PCDH9: variants seen among roughly 807,000 people sequenced by gnomAD.
The protein encoded by PCDH9 is protocadherin 9.
PCDH9 carries 24 observed loss-of-function variants against 70.6 expected under a neutral mutation model. The observed-to-expected ratio is 0.34, with a 90% CI of 0.25 to 0.48. The LOEUF (loss-of-function observed/expected upper bound fraction) is 0.48. PCDH9 is among the 20% of genes least tolerant of loss of function. The pLI is 0.99. For synonymous variants in PCDH9, 562 were observed against 558.5 expected (o/e 1.01, Z -0.09); for missense variants, 1,281 against 1,503.6 (o/e 0.85, Z 2.45).
chr13:66,531,095 T>TA (rs201531717), intron 4 of PCDH9, among the ~76,000 whole-genome samples: 35,351 of 127,716 alleles, frequency 0.28, 4,574 homozygotes, highest in East Asian at 0.43. Context: ...GTGTTGGAGG[T>TA]AAAAAAAAAA....
chr13:67,097,018 TGGGTGGATCACTTGAGCCCAGGA>T (rs1292062657), intron 2 of PCDH9, among the ~76,000 whole-genome samples: 2 of 151,144 alleles, frequency 1.3e-5, no homozygotes, highest in Non-Finnish European at 2.9e-5. Context: ...GAGGCCAAGG[TGGGTGGATCACTTGAGCCCAGGA>T]GTTTGAGACC....
intron 3 of PCDH9, among the ~76,000 whole-genome samples, chr13:66,841,317 T>C (rs1285419551): frequency 6.6e-6 from 1 of 152,218 alleles, no homozygotes; most frequent in Non-Finnish European, 1.5e-5. Flanking sequence ...ATCGTTCTAC[T>C]ACTATGTGTA....
chr13:66,686,979 C>T (rs1433095225), intron 3 of PCDH9, among the ~76,000 whole-genome samples: 3 of 152,270 alleles, frequency 2.0e-5, no homozygotes, highest in South Asian at 2.1e-4. Flanking sequence ...AAAGCCCTGG[C>T]TTCTAATTGT....
At chr13:67,080,901 C>T (rs1303980381) in intron 2 of PCDH9, among the ~76,000 whole-genome samples, 3 of 152,076 alleles carry the variant, frequency 2.0e-5, no homozygotes, top group African/African-American at 7.2e-5. Context: ...AAAAAACACA[C>T]TCATGAAATT....
chr13:67,120,483 G>A (rs964263633), intron 2 of PCDH9, among the ~76,000 whole-genome samples: 11 of 151,934 alleles, frequency 7.2e-5, no homozygotes, highest in Non-Finnish European at 1.0e-4. Flanking sequence ...CCCAGCCCTT[G>A]CTCCTTTGCT....
At chr13:66,581,931 G>A (rs935052863) in intron 4 of PCDH9, among the ~76,000 whole-genome samples, 36 of 152,078 alleles carry the variant, frequency 2.4e-4, no homozygotes, top group African/African-American at 7.2e-4. Context: ...TATGGATATG[G>A]AACACAGGAT....
intron 3 of PCDH9, among the ~76,000 whole-genome samples, chr13:66,702,195 T>C (rs2078656266): frequency 6.6e-6 from 1 of 152,226 alleles, no homozygotes; most frequent in African/African-American, 2.4e-5. Context: ...GTTCGTATTT[T>C]ATTTTTAAAA....
chr13:66,340,888 T>C (rs17501317), intron 4 of PCDH9, among the ~76,000 whole-genome samples: 195 of 152,296 alleles, frequency 1.3e-3, no homozygotes, highest in Admixed American at 2.8e-3. Flanking sequence ...AACACTAAAG[T>C]GCAAATCTCA....
At chr13:66,592,332 GGGAAGAAA>G (rs1344755907) in intron 4 of PCDH9, among the ~76,000 whole-genome samples, 1 of 151,560 alleles carries the variant, frequency 6.6e-6, no homozygotes, top group African/African-American at 2.4e-5. Flanking sequence ...CAATGATGGG[GGGAAGAAA>G]GGAAGAAAGG....
chr13:66,906,543 T>C (rs2082363704), intron 2 of PCDH9, among the ~76,000 whole-genome samples: 1 of 152,156 alleles, frequency 6.6e-6, no homozygotes, highest in African/African-American at 2.4e-5. Flanking sequence ...AATATCATTG[T>C]GATGCCCAGT....
chr13:66,460,255 A>C (rs962183601), intron 4 of PCDH9, among the ~76,000 whole-genome samples: 1 of 151,962 alleles, frequency 6.6e-6, no homozygotes, highest in African/African-American at 2.4e-5. Flanking sequence ...AAGACAGAGA[A>C]AAGCAGTTTA....
At chr13:67,153,776 G>A (rs2087723806) in intron 2 of PCDH9, among the ~76,000 whole-genome samples, 1 of 152,172 alleles carries the variant, frequency 6.6e-6, no homozygotes, top group African/African-American at 2.4e-5. Context: ...CACAGTTACA[G>A]GAGGTTTACC....
chr13:66,478,919 G>T (rs1283157875), intron 4 of PCDH9, among the ~76,000 whole-genome samples: 6 of 152,170 alleles, frequency 3.9e-5, no homozygotes, highest in African/African-American at 7.2e-5. Context: ...AGCCTCTGTT[G>T]GAAGATGATG....
intron 3 of PCDH9, among the ~76,000 whole-genome samples, chr13:66,831,353 C>A (rs1028299689): frequency 6.6e-6 from 1 of 152,152 alleles, no homozygotes; most frequent in Non-Finnish European, 1.5e-5. Flanking sequence ...GGACACCAAT[C>A]TTTCCTAGAA....
chr13:66,960,232 T>G (rs2083325199), intron 2 of PCDH9, among the ~76,000 whole-genome samples: 1 of 152,200 alleles, frequency 6.6e-6, no homozygotes, highest in Non-Finnish European at 1.5e-5. Context: ...CAGTGTTCTA[T>G]AAACATCTTA....
At chr13:66,966,749 T>C (rs1259447727) in intron 2 of PCDH9, among the ~76,000 whole-genome samples, 3 of 152,044 alleles carry the variant, frequency 2.0e-5, no homozygotes, top group Non-Finnish European at 4.4e-5. Flanking sequence ...CATGAGGGCA[T>C]GACAGTGTTC....
chr13:66,659,877 A>G (rs1409824755), intron 3 of PCDH9, among the ~76,000 whole-genome samples: 1 of 152,160 alleles, frequency 6.6e-6, no homozygotes. Flanking sequence ...AGTGAAGTAT[A>G]ACAAGTTAAC....
chr13:67,134,771 T>G (rs1395916406), intron 2 of PCDH9, among the ~76,000 whole-genome samples: 1 of 152,038 alleles, frequency 6.6e-6, no homozygotes, highest in East Asian at 1.9e-4. Context: ...CTCCAGAAGC[T>G]TTTAAAACAA....
chr13:66,977,031 C>T (rs1800873233), intron 2 of PCDH9, among the ~76,000 whole-genome samples: 1 of 152,088 alleles, frequency 6.6e-6, no homozygotes, highest in Non-Finnish European at 1.5e-5. Context: ...CTTAGTCTGT[C>T]ATCTTTAAAT....
Sources: allele counts gnomAD v4.1 joint callset (sites outside exome capture counted in the v4.1 genomes callset), GRCh38; gene constraint gnomAD v4.1.1; transcripts MANE v1.5; gene names NCBI Gene and HGNC (gene_info 2026-07-23, HGNC 2026-07-21).